Variants in RBL1 observed in about 807,000 individuals in gnomAD.
The protein encoded by RBL1 is RB transcriptional corepressor like 1, also known as retinoblastoma-like protein 1.
A neutral mutation model predicts 123.0 loss-of-function variants in RBL1; 82 were observed. The ratio of observed to expected loss-of-function variants is 0.67; its 90% CI spans 0.56 to 0.80. The LOEUF (loss-of-function observed/expected upper bound fraction) is 0.80, where lower values mean the gene tolerates loss of function less well. Ranked by LOEUF, RBL1 falls within the 30% of genes least tolerant of loss-of-function variation. RBL1 has a pLI of 0.00. For missense variants in RBL1, 1,171 were observed against 1,299.6 expected, an observed-to-expected ratio of 0.90 and a Z score of 1.52; for synonymous variants, 405 against 441.3, an observed-to-expected ratio of 0.92 and a Z score of 1.03.
intron 17 of RBL1, 59 bp from the exon 18 acceptor site, chr20:37,020,789 C>CA (rs2064329948): frequency 8.6e-7 from 1 of 1,161,802 alleles, no homozygotes; most frequent in Non-Finnish European, 1.2e-6. Flanking sequence ...TGGCTCTGAA[C>CA]AAAACTTCAA....
chr20:37,062,022 G>C (rs935285763), intron 8 of RBL1, 62 bp downstream of exon 8: 154 of 1,449,978 alleles, frequency 1.1e-4, no homozygotes, highest in Non-Finnish European at 1.3e-4. Context: ...TCTGCTGTTA[G>C]TAGAATCACA....
intron 9 of RBL1, among the ~76,000 whole-genome samples, chr20:37,056,825 T>C (rs1203566231): frequency 1.3e-5 from 2 of 152,222 alleles, no homozygotes; most frequent in African/African-American, 4.8e-5. Context: ...TAAGTTTGAC[T>C]ATACTATGTA....
At chr20:37,011,805 G>C (rs1274147514) in intron 19 of RBL1, among the ~76,000 whole-genome samples, 1 of 152,146 alleles carries the variant, frequency 6.6e-6, no homozygotes, top group South Asian at 2.1e-4. Context: ...ATGAGCTCAT[G>C]TTCAGGAAAT....
chr20:37,041,882 C>T (rs2064733746), intron 13 of RBL1, among the ~76,000 whole-genome samples: 1 of 151,672 alleles, frequency 6.6e-6, no homozygotes, highest in Non-Finnish European at 1.5e-5. Context: ...ACCATCCTGG[C>T]TAACACGGTG....
At chr20:37,056,296 A>G in intron 9 of RBL1, 38 bp from the exon 10 acceptor site, 1 of 1,541,906 alleles carries the variant, frequency 6.5e-7, no homozygotes. Flanking sequence ...CAAACCAAAC[A>G]AAAACAAACA....
At chr20:37,014,169 C>G (rs1479581505) in intron 19 of RBL1, among the ~76,000 whole-genome samples, 2 of 151,490 alleles carry the variant, frequency 1.3e-5, no homozygotes, top group African/African-American at 4.9e-5. Flanking sequence ...CCTTGACATC[C>G]TGGGCTCAAG....
At chr20:37,078,740 A>C (rs2065402615) in intron 2 of RBL1, among the ~76,000 whole-genome samples, 1 of 152,170 alleles carries the variant, frequency 6.6e-6, no homozygotes, top group African/African-American at 2.4e-5. Context: ...GAAAAAGTAG[A>C]ATGGTGGTTG....
chr20:37,069,990 C>G (rs1174230325), intron 2 of RBL1, among the ~76,000 whole-genome samples: 1 of 152,150 alleles, frequency 6.6e-6, no homozygotes, highest in Non-Finnish European at 1.5e-5. Context: ...TCATTGAGAA[C>G]GGGCCAGGAT....
chr20:37,032,910 A>G (rs750732525), intron 15 of RBL1, 34 bp from the exon 16 acceptor site: 17 of 1,610,322 alleles, frequency 1.1e-5, no homozygotes, highest in African/African-American at 5.4e-5. Flanking sequence ...AATAATCTGC[A>G]TATGTTCTAG....
chr20:37,027,487 G>C (rs1462249150), intron 16 of RBL1, among the ~76,000 whole-genome samples: 1 of 152,192 alleles, frequency 6.6e-6, no homozygotes, highest in Non-Finnish European at 1.5e-5. Context: ...AATAGTCACT[G>C]TACTCCAACC....
intron 19 of RBL1, among the ~76,000 whole-genome samples, chr20:37,011,426 G>A (rs1368740956): frequency 7.4e-6 from 1 of 135,870 alleles, no homozygotes; most frequent in African/African-American, 2.8e-5. Flanking sequence ...ACATACTCAA[G>A]GTCAGAATTT....
chr20:37,035,055 C>T (rs975497816), intron 15 of RBL1, among the ~76,000 whole-genome samples, 187 bp downstream of exon 15: 2 of 151,860 alleles, frequency 1.3e-5, no homozygotes, highest in Non-Finnish European at 2.9e-5. Flanking sequence ...TGAGAAATGT[C>T]TGTACCTTCC....
At position 37,062,252 on chromosome 20, in the gene RBL1, C is replaced by T; in HGVS notation, c.915G>A (p.Glu305=). The T allele has an allele frequency of 1.2e-6, 2 of 1,614,058 alleles. No homozygotes were observed. The highest frequency in any genetic ancestry group is 1.7e-6 in the Non-Finnish European group (2 of 1,179,980). ...FTDNSKAVNK[E]YEEYVLTVGD... is the part of the protein sequence containing the mutation. ...CAACAGTTAGAACATACTCTTCATA[C>T]TCCTTATTCACTGCTTTGCTGCAAA... is the stretch of plus-strand genomic sequence containing the variant. The change falls in exon 8 of 22, where the codon GAG becomes GAA. Residue 305 remains glutamate, a synonymous_variant. Coordinates refer to ENST00000373664, the MANE Select transcript of RBL1 (RefSeq NM_002895.5).
intron 2 of RBL1, among the ~76,000 whole-genome samples, chr20:37,068,651 T>C (rs996429323): frequency 6.6e-6 from 1 of 152,172 alleles, no homozygotes; most frequent in Admixed American, 6.5e-5. Context: ...AGAGCACCTA[T>C]CTACTTCCTT....
chr20:37,050,161 T>C (rs2064885357), intron 11 of RBL1, among the ~76,000 whole-genome samples: 1 of 151,960 alleles, frequency 6.6e-6, no homozygotes, highest in Non-Finnish European at 1.5e-5. Context: ...TCTAAATTAG[T>C]AACTTTAGAG....
chr20:37,003,525 T>C (rs1362695677), intron 21 of RBL1, 177 bp downstream of exon 21: 3 of 1,164,060 alleles, frequency 2.6e-6, no homozygotes, highest in Non-Finnish European at 3.3e-6. Flanking sequence ...TAATAATGGA[T>C]TAAACTACCT....
At chr20:37,000,877 G>A (rs1490859322) in intron 21 of RBL1, among the ~76,000 whole-genome samples, 3,039 of 130,180 alleles carry the variant, frequency 0.023, no homozygotes, top group Non-Finnish European at 0.033. Flanking sequence ...CCGGCCAGCC[G>A]CCCCGTCCAG....
chr20:37,066,250 C>T (rs998673262), intron 6 of RBL1, among the ~76,000 whole-genome samples: 7 of 152,144 alleles, frequency 4.6e-5, no homozygotes, highest in African/African-American at 1.7e-4. Context: ...AGACAATGTC[C>T]AGAATGCACA....
chr20:37,028,993 G>C (rs2064464779), intron 16 of RBL1, among the ~76,000 whole-genome samples: 2 of 151,952 alleles, frequency 1.3e-5, no homozygotes, highest in Non-Finnish European at 1.5e-5. Flanking sequence ...CATATGAAGA[G>C]GGTTATACAC....
Sources: allele counts gnomAD v4.1 joint callset (sites outside exome capture counted in the v4.1 genomes callset), GRCh38; gene constraint gnomAD v4.1.1; transcripts MANE v1.5; gene names NCBI Gene and HGNC (gene_info 2026-07-23, HGNC 2026-07-21).